VPS13D: variants seen among roughly 807,000 people sequenced by gnomAD.
VPS13D encodes vacuolar protein sorting 13 homolog D.
In VPS13D, 187 loss-of-function variants were observed where a neutral mutation model predicts 461.9. The ratio of observed to expected loss-of-function variants is 0.40; its 90% CI spans 0.36 to 0.46. The LOEUF is 0.46. Ranked by LOEUF, VPS13D falls within the 20% of genes least tolerant of loss-of-function variation. The probability of loss-of-function intolerance (pLI) is 0.60; values close to 1 mark genes in which losing one functional copy is unlikely to be tolerated. For synonymous variants in VPS13D, 1,951 were observed against 1,986.3 expected, an observed-to-expected ratio of 0.98 and a Z score of 0.47; for missense variants, 4,711 against 5,364.9, an observed-to-expected ratio of 0.88 and a Z score of 3.81.
chr1:12,274,622 A>G (rs1397478606), intron 18 of VPS13D, among the ~76,000 whole-genome samples: 2 of 152,108 alleles, frequency 1.3e-5, no homozygotes, highest in Non-Finnish European at 2.9e-5. Flanking sequence ...CCAGTGGTGT[A>G]TTTTTATAGT....
intron 17 of VPS13D, among the ~76,000 whole-genome samples, chr1:12,272,407 G>T (rs1641473642): frequency 6.6e-6 from 1 of 150,792 alleles, no homozygotes; most frequent in Non-Finnish European, 1.5e-5. Flanking sequence ...GTGTGTGTGT[G>T]TGTGTGTGTG....
Position 12,505,059 on chromosome 1 carries a change from A to G in VPS13D, c.12795-1794A>G, listed in dbSNP as rs542045506. 6.6e-6 allele frequency among the ~76,000 whole-genome samples: 1 copy of G among 152,226 alleles called. No individual in the cohort carries two copies. The highest frequency in any genetic ancestry group is 1.9e-4 in the East Asian group (1 of 5,170). On this transcript the variant is annotated intron_variant, in intron 68 of 69. Coordinates refer to ENST00000620676, the MANE Select transcript of VPS13D (RefSeq NM_015378.4). The surrounding 1 kb of genome is among the most constrained non-coding windows in gnomAD (Gnocchi z 4.2). ...GCACATTCCTGCTGTCATCCCAATC[A>G]TGGTGGCCAACTTTGGAGTCTCCTT...
chr1:12,355,129 G>C (rs538926274), intron 47 of VPS13D, among the ~76,000 whole-genome samples: 1 of 152,224 alleles, frequency 6.6e-6, no homozygotes, highest in Non-Finnish European at 1.5e-5. Flanking sequence ...ATACTCAGCA[G>C]TGTATGAGTG....
Position 12,341,868 on chromosome 1 carries a change from G to A in VPS13D, c.8715G>A (p.Leu2905=). ...HTGCTLWFAT[L]TTTPTRAALS... is the part of the protein sequence containing the mutation. ...GGTGCACTTTGTGGTTTGCCACCCT[G>A]ACCACCACACCCACCAGGTAAGCAG... The change falls in exon 41 of 70, where the codon CTG becomes CTA. Residue 2905 remains leucine, a synonymous_variant. Coordinates refer to ENST00000620676, the MANE Select transcript of VPS13D (RefSeq NM_015378.4). The A allele has an allele frequency of 3.7e-6, 6 of 1,614,042 alleles. No individual in the cohort carries two copies. Among genetic ancestry groups the A allele is most frequent in the Non-Finnish European group, 5.1e-6 (6 of 1,179,978 alleles).
chr1:12,289,985 G>C (rs1048178091), intron 22 of VPS13D, among the ~76,000 whole-genome samples: 1 of 152,078 alleles, frequency 6.6e-6, no homozygotes, highest in Non-Finnish European at 1.5e-5. Flanking sequence ...AGCTGAACTA[G>C]CATGCCAAAT....
rs761786905 is a variant in VPS13D at position 12,273,084 on chromosome 1, C to T, written c.2185C>T (p.Pro729Ser). The change falls in exon 18 of 70, where the codon CCT becomes TCT. Residue 729 changes from proline to serine, a missense_variant. Coordinates refer to ENST00000620676, the MANE Select transcript of VPS13D (RefSeq NM_015378.4). Reference protein sequence around the residue: ...IFPDDFKFKNPVLVVVDLGRM... With the variant: ...IFPDDFKFKNSVLVVVDLGRM... ...TCCTGATGATTTCAAATTCAAGAAT[C>T]CTGTGTTAGTTGTCGTGGATCTAGG... is the stretch of plus-strand genomic sequence containing the variant. 1 of 1,614,096 alleles carries T rather than the reference C, an allele frequency of 6.2e-7. No individual in the cohort carries two copies. The highest frequency in any genetic ancestry group is 1.1e-5 in the South Asian group (1 of 91,086).
intron 50 of VPS13D, 23 bp from the exon 51 acceptor site, chr1:12,362,697 A>G: frequency 1.9e-6 from 3 of 1,611,044 alleles, no homozygotes; most frequent in Non-Finnish European, 2.5e-6. Flanking sequence ...TTAACTCATA[A>G]AAGTGGTTCT....
chr1:12,506,760 C>G (rs1282153272), intron 68 of VPS13D, 93 bp from the exon 69 acceptor site: 3 of 1,499,594 alleles, frequency 2.0e-6, no homozygotes, highest in Non-Finnish European at 2.7e-6. Context: ...GATTCGCACT[C>G]AGGCCCTGGG....
intron 16 of VPS13D, 85 bp downstream of exon 16, chr1:12,268,961 C>T (rs1641354731): frequency 9.4e-6 from 14 of 1,482,472 alleles, no homozygotes; most frequent in South Asian, 1.4e-5. Context: ...AAGGGTTATT[C>T]AGATGCTCTG....
chr1:12,401,751 T>G, intron 62 of VPS13D, 47 bp downstream of exon 62: 1 of 1,518,684 alleles, frequency 6.6e-7, no homozygotes, highest in South Asian at 1.1e-5. Flanking sequence ...GGTCCAAAGA[T>G]GGTATTTTTG....
At position 12,282,787 on chromosome 1, in the gene VPS13D, C is replaced by A. The variant is rs992400592; in HGVS notation, c.4685C>A (p.Pro1562Gln). The change falls in exon 21 of 70, where the codon CCA (proline) becomes CAA (glutamine). Residue 1562 changes from proline (P) to glutamine (Q), a missense_variant. This residue lies in a region of VPS13D where 4,411 missense variants were observed against 4,937.8 expected (regional missense o/e 0.89). Coordinates refer to ENST00000620676, the MANE Select transcript of VPS13D (RefSeq NM_015378.4). ...TACAGTGAAGATCTGAATAAGTATC[C>A]AGCCAGTGCTACCTCCTCCCCTTGC... is the stretch of plus-strand genomic sequence containing the variant. ...LVYSEDLNKY[P>Q]ASATSSPCPD... The A allele has an allele frequency of 1.2e-6, 2 of 1,614,074 alleles. No homozygotes were observed.
intron 21 of VPS13D, among the ~76,000 whole-genome samples, chr1:12,285,013 T>G (rs1002070880): frequency 1.1e-4 from 17 of 152,220 alleles, no homozygotes; most frequent in Non-Finnish European, 2.9e-5. Context: ...AGGAACTCTT[T>G]GGTGTTGAAT....
chr1:12,295,222 C>CAAAAAAAAAA (rs112447551), intron 24 of VPS13D, among the ~76,000 whole-genome samples: 2 of 72,980 alleles, frequency 2.7e-5, no homozygotes. Flanking sequence ...CACCATGACT[C>CAAAAAAAAAA]AAAAAAAAAA....
intron 63 of VPS13D, among the ~76,000 whole-genome samples, chr1:12,409,369 T>C (rs1644694845): frequency 6.6e-6 from 1 of 152,122 alleles, no homozygotes; most frequent in South Asian, 2.1e-4. Flanking sequence ...CCAAAATAAT[T>C]TAAGGCAGTC....
At chr1:12,508,801 T>A in intron 69 of VPS13D, 92 bp from the exon 70 acceptor site, 1 of 1,394,912 alleles carries the variant, frequency 7.2e-7, no homozygotes, top group Non-Finnish European at 9.9e-7. Flanking sequence ...CATCCTGAGA[T>A]GCAGCTGGGC....
At chr1:12,235,654 C>CAG (rs1168396937) in intron 2 of VPS13D, among the ~76,000 whole-genome samples, 11 of 152,210 alleles carry the variant, frequency 7.2e-5, no homozygotes, top group Non-Finnish European at 1.5e-4. Flanking sequence ...AGGCCATGGG[C>CAG]AGAGCCGTCA....
intron 21 of VPS13D, among the ~76,000 whole-genome samples, chr1:12,286,380 A>T (rs1457935725): frequency 6.6e-6 from 1 of 152,152 alleles, no homozygotes; most frequent in Non-Finnish European, 1.5e-5. Context: ...GCCCAGCCTG[A>T]TGCATGAATA....
intron 3 of VPS13D, among the ~76,000 whole-genome samples, chr1:12,243,526 T>A (rs1345863056): frequency 6.6e-6 from 1 of 152,158 alleles, no homozygotes; most frequent in Non-Finnish European, 1.5e-5. Context: ...ACTTGGTGGC[T>A]TTCACCTGGA....
At chr1:12,383,965 C>A (rs576556378) in intron 58 of VPS13D, among the ~76,000 whole-genome samples, 1 of 152,198 alleles carries the variant, frequency 6.6e-6, no homozygotes, top group South Asian at 2.1e-4. Context: ...AAGCAGGGGC[C>A]AGATCATAAA....
Sources: allele counts gnomAD v4.1 joint callset (sites outside exome capture counted in the v4.1 genomes callset), GRCh38; gene constraint gnomAD v4.1.1; regional missense constraint gnomAD v4.1.1; non-coding constraint Gnocchi (gnomAD v3.1); transcripts MANE v1.5; gene names NCBI Gene and HGNC (gene_info 2026-07-23, HGNC 2026-07-21).